The following FGF13 variants were observed in gnomAD, a reference collection of about 807,000 sequenced individuals.
FGF13 encodes the protein fibroblast growth factor homologous factor 2.
Under a neutral mutation model 19.5 loss-of-function variants are expected in FGF13, and 2 were observed. The ratio of observed to expected loss-of-function variants is 0.10; its 90% confidence interval spans 0.04 to 0.32. The LOEUF is 0.32. FGF13 is among the 10% of genes least tolerant of loss of function. The pLI, the probability that FGF13 is intolerant of heterozygous loss-of-function variation, is 1.00. For synonymous variants in FGF13, 72 were observed against 76.9 expected, an observed-to-expected ratio of 0.94 and a Z score of 0.33; for missense variants, 113 against 192.7, an observed-to-expected ratio of 0.59 and a Z score of 2.45.
intron 1 of FGF13, among the ~76,000 whole-genome samples, chrX:138,930,624 C>T (rs1217187338): frequency 1.8e-5 from 2 of 111,669 alleles, no homozygotes; most frequent in East Asian, 2.8e-4. Context: ...AATCTAAGAC[C>T]CTATGCTGTA....
intron 1 of FGF13, among the ~76,000 whole-genome samples, chrX:138,878,639 T>G (rs1359967316): frequency 9.2e-6 from 1 of 108,930 alleles, no homozygotes; most frequent in Non-Finnish European, 1.9e-5. Context: ...TATAGCAGCA[T>G]GATTTATAAT....
intron 2 of FGF13, among the ~76,000 whole-genome samples, chrX:138,864,207 T>A (rs2091304655): frequency 8.9e-6 from 1 of 112,322 alleles, no homozygotes; most frequent in African/African-American, 3.2e-5. Context: ...TTAGCTCCAA[T>A]CCTGGAAACA....
intron 1 of FGF13, among the ~76,000 whole-genome samples, chrX:138,976,102 T>C (rs2091938402): frequency 8.9e-6 from 1 of 111,853 alleles, no homozygotes; most frequent in Non-Finnish European, 1.9e-5. Context: ...TGCATTACTT[T>C]TGTTATGCGC....
chrX:138,841,257 C>T (rs894301462), intron 3 of FGF13, among the ~76,000 whole-genome samples: 2 of 110,899 alleles, frequency 1.8e-5, no homozygotes, highest in Non-Finnish European at 3.8e-5. Context: ...ATTAAGATCA[C>T]GAGTTTCAGC....
intron 1 of FGF13, among the ~76,000 whole-genome samples, chrX:139,076,476 G>T (rs1436849806): frequency 9.0e-6 from 1 of 111,456 alleles, no homozygotes. Flanking sequence ...CACAAAACAG[G>T]GAACCATAGC....
chrX:139,001,566 G>A (rs113903279), intron 1 of FGF13, among the ~76,000 whole-genome samples: 6 of 111,509 alleles, frequency 5.4e-5, no homozygotes, highest in African/African-American at 2.0e-4. Flanking sequence ...AGACATTTAT[G>A]TAGCCAACAA....
chrX:139,011,369 A>C (rs1372314872), intron 1 of FGF13, among the ~76,000 whole-genome samples: 1 of 105,969 alleles, frequency 9.4e-6, no homozygotes, highest in African/African-American at 3.6e-5. Flanking sequence ...AACAAAAAAA[A>C]AAAAAAAAAA....
chrX:139,145,662 C>T (rs1425476517), intron 1 of FGF13, among the ~76,000 whole-genome samples: 1 of 110,158 alleles, frequency 9.1e-6, no homozygotes. Context: ...TACCTAAAAT[C>T]CTTTCCCCAC....
chrX:138,841,367 G>A (rs1232974755), intron 3 of FGF13, among the ~76,000 whole-genome samples: 2 of 111,207 alleles, frequency 1.8e-5, no homozygotes, highest in African/African-American at 6.5e-5. Flanking sequence ...CAATTATGAA[G>A]TCAGACTTCA....
At chrX:138,820,434 G>A (rs776220257) in intron 3 of FGF13, among the ~76,000 whole-genome samples, 2 of 111,995 alleles carry the variant, frequency 1.8e-5, no homozygotes, top group Non-Finnish European at 3.8e-5. Flanking sequence ...TCTGCAAAAG[G>A]CAAGATAATC....
At chrX:138,721,615 CCTTA>C (rs371324334) in intron 1 of FGF13, among the ~76,000 whole-genome samples, 8 of 110,466 alleles carry the variant, frequency 7.2e-5, no homozygotes, top group African/African-American at 2.3e-4. Context: ...CCTCATGATT[CCTTA>C]CTTCTCTTTC....
At chrX:139,132,598 A>T (rs982365387) in intron 1 of FGF13, among the ~76,000 whole-genome samples, 1 of 112,351 alleles carries the variant, frequency 8.9e-6, no homozygotes, top group African/African-American at 3.2e-5. Flanking sequence ...TTAAGAGCAA[A>T]TAATGTGATT....
chrX:138,827,931 A>G (rs973822113), intron 3 of FGF13, among the ~76,000 whole-genome samples: 15 of 111,928 alleles, frequency 1.3e-4, no homozygotes, highest in African/African-American at 4.9e-4. Context: ...CACACAGCTA[A>G]TAAGTGGCAG....
At chrX:138,637,660 G>A (rs1458773359) in intron 3 of FGF13, among the ~76,000 whole-genome samples, 5 of 111,650 alleles carry the variant, frequency 4.5e-5, no homozygotes, top group African/African-American at 1.3e-4. Flanking sequence ...ATATTCATAG[G>A]TAAGTAATAT....
At chrX:138,861,858 C>A (rs1470359505) in intron 2 of FGF13, among the ~76,000 whole-genome samples, 1 of 110,887 alleles carries the variant, frequency 9.0e-6, no homozygotes, top group African/African-American at 3.3e-5. Flanking sequence ...CAAAAATTAG[C>A]CAGGCATGGT....
intron 3 of FGF13, among the ~76,000 whole-genome samples, chrX:138,766,994 C>T (rs928366174): frequency 1.7e-4 from 19 of 111,768 alleles, no homozygotes; most frequent in African/African-American, 5.9e-4. Context: ...GTTCCAAGGC[C>T]GGGAAAGCTC....
At chrX:139,000,800 C>T (rs917336477) in intron 1 of FGF13, among the ~76,000 whole-genome samples, 3 of 111,921 alleles carry the variant, frequency 2.7e-5, no homozygotes, top group Non-Finnish European at 5.6e-5. Flanking sequence ...CATCAAGCTA[C>T]CAATGACTTT....
intron 3 of FGF13, among the ~76,000 whole-genome samples, chrX:138,769,451 C>T (rs961005806): frequency 8.9e-6 from 1 of 111,939 alleles, no homozygotes; most frequent in South Asian, 3.7e-4. Context: ...AATGAGATAA[C>T]AATTGTAAAC....
At position 138,620,704 on chromosome X, in the gene FGF13, A is replaced by G. The variant is rs1051554989; in HGVS notation, c.*12146T>C. 1 of 111,795 alleles carries G rather than the reference A, an allele frequency of 8.9e-6. No homozygotes were observed. Among genetic ancestry groups the G allele is most frequent in the African/African-American group, 3.2e-5 (1 of 30,810 alleles). 9.2% of individuals were successfully genotyped at this position (111,795 alleles called of 1,213,427 possible). A position where few individuals can be genotyped will look rare whatever the true frequency, so the allele number is the denominator to read the frequency against. ...AAGACAGTGAGTGGCTGAATGGATGAAAAAGGAAGAACTAAGTACTTGCTA... is the reference window on the plus strand; with the variant it reads ...AAGACAGTGAGTGGCTGAATGGATGGAAAAGGAAGAACTAAGTACTTGCTA... On this transcript the variant is annotated 3_prime_UTR_variant, in exon 5 of 5. Coordinates refer to ENST00000315930, the MANE Select transcript of FGF13 (RefSeq NM_004114.5).
Sources: allele counts gnomAD v4.1 joint callset (sites outside exome capture counted in the v4.1 genomes callset), GRCh38; gene constraint gnomAD v4.1.1; transcripts MANE v1.5; gene names NCBI Gene and HGNC (gene_info 2026-07-23, HGNC 2026-07-21).